Variants in ZFR2 observed in about 807,000 individuals in gnomAD.
ZFR2 encodes zinc finger RNA binding protein 2.
ZFR2 carries 104 observed loss-of-function variants against 105.7 expected under a neutral mutation model. That is an observed-to-expected ratio of 0.98 (90% CI 0.84 to 1.16). The LOEUF is 1.16. Among genes scored for constraint, ZFR2 ranks in the 50% most tolerant of loss-of-function variants. The pLI, the probability that ZFR2 is intolerant of heterozygous loss-of-function variation, is 0.00. For synonymous variants in ZFR2, 634 were observed against 597.7 expected (o/e 1.06, Z -0.89); for missense variants, 1,425 against 1,355.5 (o/e 1.05, Z -0.80).
intron 14 of ZFR2, among the ~76,000 whole-genome samples, chr19:3,812,376 G>C (rs907288123): frequency 6.6e-6 from 1 of 152,068 alleles, no homozygotes; most frequent in Admixed American, 6.6e-5. Context: ...CGCTGTGCCC[G>C]ACCTAAAAAG....
In ZFR2 at chr19:3,831,427, C is replaced by T. The variant is rs1484116511; in HGVS notation, c.728G>A (p.Gly243Glu). 6.4e-7 allele frequency: 1 copy of T among 1,554,198 alleles called. No individual in the cohort carries two copies. Among genetic ancestry groups the T allele is most frequent in the Non-Finnish European group, 8.7e-7 (1 of 1,150,558 alleles). ...LPPPPAPAGS[G>E]SSPRADSKPP... The stretch of plus-strand genomic sequence containing the variant: ...CTTCGAGTCGGCCCTGGGGCTGCTT[C>T]CTGAGCCTGCAGGCGCGGGCGGCGG... The change falls in exon 5 of 19, where the codon GGA becomes GAA. Residue 243 changes from glycine to glutamate, a missense_variant. Coordinates refer to ENST00000262961, the MANE Select transcript of ZFR2 (RefSeq NM_015174.2).
rs760135674 is a variant in ZFR2, at chr19:3,823,243, T to C, written c.1371+3A>G. ...GCACCAGGACTTGACAGCCTCGACT[T>C]ACCTCCTCCACATATTCCGGGCCCA... On this transcript the variant is annotated splice_donor_region_variant and intron_variant, in intron 8 of 18. Coordinates refer to ENST00000262961, the MANE Select transcript of ZFR2 (RefSeq NM_015174.2). The surrounding 1 kb of genome is among the most constrained non-coding windows in gnomAD (Gnocchi z 5.4). 1 of 1,613,848 alleles carries C rather than the reference T, an allele frequency of 6.2e-7. No homozygotes were observed. Among genetic ancestry groups the C allele is most frequent in the Admixed American group, 1.7e-5 (1 of 60,012 alleles).
At position 3,834,918 on chromosome 19, in the gene ZFR2, C is replaced by T. The variant is rs765051913; in HGVS notation, c.119G>A (p.Gly40Glu). ...GGCCGGGTTCACGGCAGGGTCCATC[C>T]CAGGAGTGGGTTGTGCAGTATAGCT... Reference protein sequence around the residue: ...GASYTAQPTPGMDPAVNPAFP... With the variant: ...GASYTAQPTPEMDPAVNPAFP... The change falls in exon 2 of 19, where the codon GGG (glycine) becomes GAG (glutamate). Residue 40 changes from glycine to glutamate, a missense_variant. Transcript: ENST00000262961. The surrounding 1 kb of genome is among the most constrained non-coding windows in gnomAD (Gnocchi z 5.3). 5.6e-6 allele frequency: 9 copies of T among 1,611,726 alleles called. No individual in the cohort carries two copies. In the African/African-American group the frequency reaches 6.7e-5, roughly 12 times the overall value.
intron 1 of ZFR2, among the ~76,000 whole-genome samples, chr19:3,843,237 G>A (rs2038152129): frequency 6.6e-6 from 1 of 152,122 alleles, no homozygotes; most frequent in Non-Finnish European, 1.5e-5. Flanking sequence ...TCGGGTGGCC[G>A]AGGCGGGCGG....
At chr19:3,810,636 G>T in intron 16 of ZFR2, 114 bp downstream of exon 16, 1 of 1,019,058 alleles carries the variant, frequency 9.8e-7, no homozygotes, top group Non-Finnish European at 1.4e-6. Context: ...TGAGTACTAG[G>T]TCTCCCGCCG....
chr19:3,849,797 C>T (rs549533431), intron 1 of ZFR2, among the ~76,000 whole-genome samples: 2 of 152,330 alleles, frequency 1.3e-5, no homozygotes, highest in East Asian at 3.9e-4. Context: ...CAGCAATGCT[C>T]AGGCACGCTA....
chr19:3,812,091 A>G (rs8109446), intron 14 of ZFR2, among the ~76,000 whole-genome samples: 140,193 of 152,076 alleles, frequency 0.92, 64,823 homozygotes, highest in East Asian at 0.98. Flanking sequence ...TTACCGGCGC[A>G]CGCCACCACG....
In ZFR2 at chr19:3,820,301, G is replaced by A. The variant is rs1305231162; in HGVS notation, c.1632-11C>T. 7.8e-6 allele frequency: 12 copies of A among 1,540,366 alleles called. No individual in the cohort carries two copies. The highest frequency in any genetic ancestry group is 2.4e-5 in the East Asian group (1 of 40,818). On this transcript the variant is annotated splice_polypyrimidine_tract_variant and intron_variant, in intron 10 of 18. Transcript: ENST00000262961. ...TCCTCCTCCAGCCGCCTGCAGGACC[G>A]AGACGTGACAGAGCATGGTCAGGCC...
At chr19:3,847,736 G>A (rs1026590827) in intron 1 of ZFR2, among the ~76,000 whole-genome samples, 3 of 152,076 alleles carry the variant, frequency 2.0e-5, no homozygotes, top group African/African-American at 7.2e-5. Context: ...CCAATCTTTC[G>A]CCATTAAAGC....
In ZFR2 at chr19:3,868,964, C is replaced by T. The variant is rs1334523406; in HGVS notation, c.53+1G>A. 2.2e-6 allele frequency: 3 copies of T among 1,339,198 alleles called. No individual in the cohort carries two copies. The highest frequency in any genetic ancestry group is 2.9e-6 in the Non-Finnish European group (3 of 1,035,842). The allele number at this position is 1,339,198 out of a possible 1,614,324, so 83.0% of individuals were successfully genotyped here. On this transcript the variant is annotated splice_donor_variant, in intron 1 of 18. Coordinates refer to ENST00000262961, the MANE Select transcript of ZFR2 (RefSeq NM_015174.2). LOFTEE classifies it high-confidence loss of function. ...GGGGGCTGGCGCGGCGGGGCAGTTA[C>T]CTGTACTGCGGGCCGCCGCCCTGCG...
Position 3,834,847 on chromosome 19 carries a change from A to G in ZFR2, c.190T>C (p.Ser64Pro), listed in dbSNP as rs1355113246. ...PAGYGGYQPHSGQDFAYGSRP... is the reference protein window; with the variant it reads ...PAGYGGYQPHPGQDFAYGSRP... The stretch of plus-strand genomic sequence containing the variant: ...CTGCCGTAGGCGAAGTCCTGGCCGG[A>G]GTGGGGCTGGTATCCACCGTACCCT... Residue 64 changes from serine (S) to proline (P), a missense_variant, in exon 2 of 19, where the codon TCC becomes CCC. Physicochemically the swap from Ser to Pro is moderately conservative, Grantham distance 74. Transcript: ENST00000262961. The surrounding 1 kb of genome is among the most constrained non-coding windows in gnomAD (Gnocchi z 5.3). 6.2e-7 allele frequency: 1 copy of G among 1,611,912 alleles called. No individual in the cohort carries two copies. The highest frequency in any genetic ancestry group is 8.5e-7 in the Non-Finnish European group (1 of 1,179,322).
At chr19:3,806,264 C>G (rs776397513) in intron 18 of ZFR2, 139 bp from the exon 19 acceptor site, 52 of 974,910 alleles carry the variant, frequency 5.3e-5, no homozygotes, top group Non-Finnish European at 7.0e-5. Context: ...CCCCGGCCCC[C>G]CGCCGCTTTC....
Position 3,805,144 on chromosome 19 carries a change from T to C in ZFR2, c.*805A>G, listed in dbSNP as rs1456506607. On this transcript the variant is annotated 3_prime_UTR_variant, in exon 19 of 19. Transcript: ENST00000262961. ...AGCTTGGCCTCCCAAAGTGCTGGGA[T>C]TATAGGTGTGAGCCACCATGCGCAG... 1 of 152,146 alleles carries C rather than the reference T, an allele frequency of 6.6e-6. No individual in the cohort carries two copies. The highest frequency in any genetic ancestry group is 2.4e-5 in the African/African-American group (1 of 41,376). The allele number at this position is 152,146 out of a possible 1,614,324, so 9.4% of individuals were successfully genotyped here.
Position 3,805,304 on chromosome 19 carries a change from G to A in ZFR2, c.*645C>T, listed in dbSNP as rs898856271. 9.2e-5 allele frequency: 14 copies of A among 152,246 alleles called. No homozygotes were observed. Among genetic ancestry groups the A allele is most frequent in the African/African-American group, 3.1e-4 (13 of 41,434 alleles). The allele number at this position is 152,246 out of a possible 1,614,324, so 9.4% of individuals were successfully genotyped here. On this transcript the variant is annotated 3_prime_UTR_variant, in exon 19 of 19. Coordinates refer to ENST00000262961, the MANE Select transcript of ZFR2 (RefSeq NM_015174.2). ...GTGGGGGATGGGGCCCTCGAGGAAG[G>A]GGTGCCACTCCCAGGGCTGGATGGT...
At position 3,806,002 on chromosome 19, in the gene ZFR2, C is replaced by T. The variant is rs1339005460; in HGVS notation, c.2767G>A (p.Glu923Lys). ...KRQRGPGEGE[E>K]GAGEKKRGRR... ...CCCCGCTTCTTCTCCCCTGCGCCCTCCTCTCCCTCGCCAGGTCCCCGTTGC... is the reference window on the plus strand; with the variant it reads ...CCCCGCTTCTTCTCCCCTGCGCCCTTCTCTCCCTCGCCAGGTCCCCGTTGC... Residue 923 changes from glutamate to lysine, a missense_variant, in exon 19 of 19, where the codon GAG becomes AAG. Transcript: ENST00000262961. The T allele has an allele frequency of 6.5e-7, 1 of 1,546,902 alleles. No homozygotes were observed. The highest frequency in any genetic ancestry group is 1.2e-5 in the South Asian group (1 of 84,084).
At chr19:3,865,935 G>A (rs562934425) in intron 1 of ZFR2, among the ~76,000 whole-genome samples, 4 of 152,096 alleles carry the variant, frequency 2.6e-5, no homozygotes, top group East Asian at 1.9e-4. Context: ...TCCACCTCCC[G>A]CGTTCAAGAG....
In ZFR2 at chr19:3,813,875, C is replaced by T. The variant is rs754603784; in HGVS notation, c.2187G>A (p.Gln729=). 1 of 1,613,906 alleles carries T rather than the reference C, an allele frequency of 6.2e-7. No homozygotes were observed. The highest frequency in any genetic ancestry group is 2.2e-5 in the East Asian group (1 of 44,874). Residue 729 remains glutamine (Q), a synonymous_variant, in exon 14 of 19, where the codon CAG becomes CAA. Transcript: ENST00000262961. This position sits in a 1 kb window ranked among gnomAD's most constrained non-coding sequence, Gnocchi z 4.4. ...VISSCEEPRM[Q]VTISVTSPLM... is the part of the protein sequence containing the mutation. ...GAGGTGAGGTGACAGATATGGTGACCTGCATCCTGGGCTCCTCACAGGAGG... is the reference window on the plus strand; with the variant it reads ...GAGGTGAGGTGACAGATATGGTGACTTGCATCCTGGGCTCCTCACAGGAGG...
intron 1 of ZFR2, among the ~76,000 whole-genome samples, chr19:3,846,974 T>C (rs1159841725): frequency 6.6e-6 from 1 of 152,210 alleles, no homozygotes; most frequent in Non-Finnish European, 1.5e-5. Context: ...TTTTATGAGG[T>C]TGCCAATGAG....
chr19:3,810,601 C>A (rs1173912304), intron 16 of ZFR2, 149 bp downstream of exon 16: 2 of 645,104 alleles, frequency 3.1e-6, no homozygotes, highest in Admixed American at 6.6e-5. Context: ...CGCAAGGGGA[C>A]CTCAGGGACT....
Sources: gnomAD v4.1 joint callset for allele counts (sites outside exome capture counted in the v4.1 genomes callset) on GRCh38, gnomAD v4.1.1 for gene constraint, Gnocchi (gnomAD v3.1) non-coding constraint, MANE v1.5 for transcripts, NCBI Gene and HGNC (gene_info 2026-07-23, HGNC 2026-07-21) for gene names.